The following DPP6 variants were observed in gnomAD, a reference collection of about 807,000 sequenced individuals.
The protein encoded by DPP6 is dipeptidyl peptidase like 6.
DPP6 carries 69 observed loss-of-function variants against 122.6 expected under a neutral mutation model. The observed-to-expected ratio is 0.56, with a 90% CI of 0.46 to 0.69. DPP6 has a LOEUF of 0.69. Among genes scored for constraint, DPP6 ranks in the 30% least tolerant of loss-of-function variants. DPP6 has a pLI of 0.00. For synonymous variants in DPP6, 418 were observed against 433.1 expected (o/e 0.97, Z 0.43); for missense variants, 928 against 1,116.9 (o/e 0.83, Z 2.41).
the DPP6 span, among the ~76,000 whole-genome samples, chr7:153,799,143 C>T: frequency 6.6e-6 from 1 of 152,292 alleles, no homozygotes; most frequent in Admixed American, 6.5e-5. Flanking sequence ...AGACTGATAG[C>T]TACTGGTAGC....
At chr7:153,861,159 G>C in the DPP6 span, among the ~76,000 whole-genome samples, 1 of 152,088 alleles carries the variant, frequency 6.6e-6, no homozygotes, top group Non-Finnish European at 1.5e-5. Flanking sequence ...CATATTAGAA[G>C]ACAGGACTTT....
intron 16 of DPP6, among the ~76,000 whole-genome samples, chr7:154,822,223 C>G (rs1039010724): frequency 1.3e-5 from 2 of 150,730 alleles, no homozygotes; most frequent in African/African-American, 4.9e-5. Flanking sequence ...CTTCATCCAT[C>G]CTGGCAGCTG....
At chr7:154,172,537 G>T (rs2150731065) in intron 1 of DPP6, among the ~76,000 whole-genome samples, 1 of 151,916 alleles carries the variant, frequency 6.6e-6, no homozygotes, top group Non-Finnish European at 1.5e-5. Flanking sequence ...GCATTTCTGA[G>T]TCTTGGACCA....
chr7:153,797,268 G>T, the DPP6 span, among the ~76,000 whole-genome samples: 1 of 152,068 alleles, frequency 6.6e-6, no homozygotes, highest in African/African-American at 2.4e-5. Context: ...CTGAATTTGG[G>T]GGTAATTTGT....
At chr7:153,816,187 G>C in the DPP6 span, among the ~76,000 whole-genome samples, 4 of 152,122 alleles carry the variant, frequency 2.6e-5, no homozygotes, top group African/African-American at 7.2e-5. Context: ...AGCAATAAAA[G>C]CCAAAAAATA....
chr7:154,099,426 A>G (rs1805576238), intron 1 of DPP6, among the ~76,000 whole-genome samples: 1 of 152,028 alleles, frequency 6.6e-6, no homozygotes, highest in African/African-American at 2.4e-5. Flanking sequence ...TACATGTTAT[A>G]TGGTGATAAA....
chr7:154,440,470 G>C (rs1331498621), intron 1 of DPP6, among the ~76,000 whole-genome samples: 1 of 152,186 alleles, frequency 6.6e-6, no homozygotes, highest in Non-Finnish European at 1.5e-5. Flanking sequence ...TGGACGATGA[G>C]TTAGGGTCCT....
chr7:153,823,989 A>G, the DPP6 span, among the ~76,000 whole-genome samples: 1 of 152,176 alleles, frequency 6.6e-6, no homozygotes, highest in African/African-American at 2.4e-5. Flanking sequence ...AGGAGATGCT[A>G]AACAAAATGT....
At chr7:154,783,224 C>G (rs549853429) in intron 10 of DPP6, among the ~76,000 whole-genome samples, 2 of 152,322 alleles carry the variant, frequency 1.3e-5, no homozygotes, top group Admixed American at 1.3e-4. Flanking sequence ...ATCCCCATAG[C>G]TGTCCTGCTC....
the DPP6 span, among the ~76,000 whole-genome samples, chr7:153,808,754 A>G: frequency 6.6e-6 from 1 of 152,142 alleles, no homozygotes; most frequent in Non-Finnish European, 1.5e-5. Context: ...GCTGAATAAC[A>G]TTTCATTTGA....
chr7:153,752,186 A>G, the DPP6 span, among the ~76,000 whole-genome samples: 1 of 152,108 alleles, frequency 6.6e-6, no homozygotes, highest in Admixed American at 6.5e-5. Context: ...AGGACAAGGC[A>G]ACTTCACTTT....
rs566876350 is a variant in DPP6, at chr7:154,624,351, G to A, written c.628-13470G>A. On this transcript the variant is annotated intron_variant, in intron 5 of 25. Transcript: ENST00000377770. This position sits in a 1 kb window ranked among gnomAD's most constrained non-coding sequence, Gnocchi z 4.7. ...TAAAAAAAAAAAAAAAATCAGCTTG[G>A]TGTGGTGGTAGGTGCCTATAATCCC... Among the ~76,000 whole-genome samples, 2 of 149,906 alleles carry A rather than the reference G, an allele frequency of 1.3e-5. No homozygotes were observed. The highest frequency in any genetic ancestry group is 2.1e-4 in the South Asian group (1 of 4,750).
intron 2 of DPP6, among the ~76,000 whole-genome samples, chr7:154,455,331 G>A (rs923498262): frequency 6.6e-6 from 1 of 152,196 alleles, no homozygotes; most frequent in Non-Finnish European, 1.5e-5. Context: ...AGGCTCTGCT[G>A]AGTCAGAAGA....
At chr7:154,390,587 T>G (rs1387236140) in intron 1 of DPP6, among the ~76,000 whole-genome samples, 2 of 152,108 alleles carry the variant, frequency 1.3e-5, no homozygotes, top group Admixed American at 6.5e-5. Flanking sequence ...GAAGCAATCA[T>G]TTTCAGGGGT....
intron 1 of DPP6, among the ~76,000 whole-genome samples, chr7:154,416,662 C>T (rs1476331219): frequency 5.7e-5 from 4 of 70,676 alleles, no homozygotes; most frequent in South Asian, 1.2e-3. Flanking sequence ...ATCCCCTTGG[C>T]GTGTATTCTC....
At chr7:154,313,274 C>G (rs1180980608) in intron 1 of DPP6, among the ~76,000 whole-genome samples, 1 of 152,124 alleles carries the variant, frequency 6.6e-6, no homozygotes, top group Non-Finnish European at 1.5e-5. Context: ...GCCAGGGTGC[C>G]TGGACCCAAG....
At chr7:154,010,929 T>C (rs1012608112) in intron 1 of DPP6, among the ~76,000 whole-genome samples, 1 of 152,180 alleles carries the variant, frequency 6.6e-6, no homozygotes, top group Non-Finnish European at 1.5e-5. Context: ...CTGGCCCCCA[T>C]CCTGATCAAA....
At chr7:154,054,784 C>A (rs1319702398) in intron 1 of DPP6, among the ~76,000 whole-genome samples, 1 of 148,642 alleles carries the variant, frequency 6.7e-6, no homozygotes, top group East Asian at 2.0e-4. Flanking sequence ...TTAAATCTGA[C>A]TTAAAATTGT....
intron 1 of DPP6, among the ~76,000 whole-genome samples, chr7:153,953,099 G>A (rs906734026): frequency 2.6e-5 from 4 of 152,166 alleles, no homozygotes; most frequent in Admixed American, 1.3e-4. Flanking sequence ...AGTTCACCAT[G>A]TATTCCTTGA....
Sources: allele counts gnomAD v4.1 joint callset (sites outside exome capture counted in the v4.1 genomes callset), GRCh38; gene constraint gnomAD v4.1.1; non-coding constraint Gnocchi (gnomAD v3.1); transcripts MANE v1.5; gene names NCBI Gene and HGNC (gene_info 2026-07-23, HGNC 2026-07-21).